ZNF827: variants seen among roughly 807,000 people sequenced by gnomAD.
ZNF827 encodes zinc finger protein 827.
ZNF827 carries 13 observed loss-of-function variants against 102.4 expected under a neutral mutation model. The observed-to-expected ratio is 0.13, with a 90% CI of 0.08 to 0.20. The LOEUF is 0.20. Ranked by LOEUF, ZNF827 falls within the 10% of genes least tolerant of loss-of-function variation. The pLI is 1.00. For missense variants in ZNF827, 1,103 were observed against 1,344.4 expected (o/e 0.82, Z 2.81); for synonymous variants, 523 against 536.2 (o/e 0.98, Z 0.34).
rs34284109 is a variant in ZNF827 at position 145,765,254 on chromosome 4, C to A, written c.3053-89G>T. ...AGCCAAGCTCCTCCCCACTTCCTCC[C>A]GCCTCCTCCGACGCCTGACAGCTAT... is the stretch of plus-strand genomic sequence containing the variant. On this transcript the variant is annotated intron_variant, in intron 12 of 14. Transcript: ENST00000508784. This position sits in a 1 kb window ranked among gnomAD's most constrained non-coding sequence, Gnocchi z 4.7. 19 of 1,387,798 alleles carry A rather than the reference C, an allele frequency of 1.4e-5. No homozygotes were observed. The highest frequency in any genetic ancestry group is 1.8e-5 in the Non-Finnish European group (19 of 1,037,916). The allele number at this position is 1,387,798 out of a possible 1,614,324, so 86.0% of individuals were successfully genotyped here.
intron 8 of ZNF827, among the ~76,000 whole-genome samples, chr4:145,799,552 A>T (rs2127097623): frequency 6.6e-6 from 1 of 152,304 alleles, no homozygotes; most frequent in African/African-American, 2.4e-5. Flanking sequence ...GTTTAACCTA[A>T]AAGAATTAAC....
intron 4 of ZNF827, among the ~76,000 whole-genome samples, chr4:145,883,096 T>G (rs1029650265): frequency 6.6e-6 from 1 of 151,784 alleles, no homozygotes; most frequent in African/African-American, 2.4e-5. Flanking sequence ...GAAAATGTAT[T>G]CCTTTCCTTT....
intron 8 of ZNF827, among the ~76,000 whole-genome samples, chr4:145,799,114 C>G (rs1202219017): frequency 6.7e-6 from 1 of 150,284 alleles, no homozygotes; most frequent in Non-Finnish European, 1.5e-5. Flanking sequence ...AAGCAGATCT[C>G]CCGTTTTGAT....
intron 7 of ZNF827, among the ~76,000 whole-genome samples, chr4:145,842,277 A>T (rs1745495409): frequency 6.6e-6 from 1 of 152,172 alleles, no homozygotes; most frequent in Admixed American, 6.5e-5. Context: ...CAGAGGTATC[A>T]ACAAGGGGCA....
intron 7 of ZNF827, among the ~76,000 whole-genome samples, chr4:145,824,485 G>C (rs951517447): frequency 1.3e-5 from 2 of 152,196 alleles, no homozygotes; most frequent in African/African-American, 4.8e-5. Flanking sequence ...CCCAGAGATA[G>C]GAAGGGCAGG....
At chr4:145,886,730 C>CA (rs200382885) in intron 3 of ZNF827, among the ~76,000 whole-genome samples, 12,544 of 136,764 alleles carry the variant, frequency 0.092, 1,107 homozygotes, top group East Asian at 0.42. Context: ...AAATTACATA[C>CA]AAAAAAAAAA....
At chr4:145,891,821 C>T (rs1440194044) in intron 3 of ZNF827, among the ~76,000 whole-genome samples, 1 of 152,174 alleles carries the variant, frequency 6.6e-6, no homozygotes, top group Non-Finnish European at 1.5e-5. Flanking sequence ...CAGCCAAGGG[C>T]AGTCTCTCCA....
intron 8 of ZNF827, among the ~76,000 whole-genome samples, chr4:145,807,010 G>A (rs1034497711): frequency 3.3e-5 from 5 of 152,144 alleles, no homozygotes; most frequent in African/African-American, 1.2e-4. Context: ...AGTAAGCTTC[G>A]TGAACCTCCA....
chr4:145,788,583 T>G (rs1739226118), intron 8 of ZNF827, among the ~76,000 whole-genome samples: 1 of 152,268 alleles, frequency 6.6e-6, no homozygotes, highest in Admixed American at 6.5e-5. Context: ...CCTTATTGAA[T>G]AAATGATATA....
chr4:145,871,966 T>C lies in ZNF827; in HGVS notation c.1748-1488A>G, dbSNP rs193030564. On this transcript the variant is annotated intron_variant, in intron 4 of 14. Transcript: ENST00000508784. The stretch of plus-strand genomic sequence containing the variant: ...TCCACCGCACCACCTCCACTTCTGG[T>C]CTCTGTATTGTAACAAAACTTGAAA... 2.6e-5 allele frequency among the ~76,000 whole-genome samples: 4 copies of C among 152,242 alleles called. No homozygotes were observed. In the East Asian group the frequency reaches 7.7e-4, roughly 29 times the overall value.
At chr4:145,777,845 T>C (rs1338710748) in intron 9 of ZNF827, among the ~76,000 whole-genome samples, 1 of 152,336 alleles carries the variant, frequency 6.6e-6, no homozygotes, top group East Asian at 1.9e-4. Context: ...TCCAGGTTTA[T>C]GTATGAAGTG....
intron 7 of ZNF827, among the ~76,000 whole-genome samples, chr4:145,838,378 G>A (rs115047921): frequency 2.0e-5 from 3 of 151,792 alleles, no homozygotes; most frequent in African/African-American, 7.3e-5. Context: ...CCTATAAAAC[G>A]GCCCCACCCT....
At chr4:145,916,415 C>A (rs1221670872) in intron 1 of ZNF827, among the ~76,000 whole-genome samples, 1 of 152,194 alleles carries the variant, frequency 6.6e-6, no homozygotes, top group Non-Finnish European at 1.5e-5. Flanking sequence ...CAAAGACTTA[C>A]AGCAGCCCTA....
At chr4:145,819,846 A>G (rs1742966703) in intron 8 of ZNF827, 1 of 152,230 alleles carries the variant, frequency 6.6e-6, no homozygotes, top group African/African-American at 2.4e-5. Context: ...GGTCTTGGCT[A>G]ACATGAGCAT....
chr4:145,813,044 G>A (rs1240265573), intron 8 of ZNF827, among the ~76,000 whole-genome samples: 3 of 152,132 alleles, frequency 2.0e-5, no homozygotes, highest in African/African-American at 4.8e-5. Flanking sequence ...TACCTGGGAC[G>A]TGAGTCACCC....
chr4:145,778,705 C>A lies in ZNF827; in HGVS notation c.2521+669G>T, dbSNP rs112829106. Among the ~76,000 whole-genome samples the A allele has an allele frequency of 1.4e-3, 209 of 152,174 alleles. 1 individual carries two copies. Among genetic ancestry groups the A allele is most frequent in the African/African-American group, 4.8e-3 (198 of 41,528 alleles). On this transcript the variant is annotated intron_variant, in intron 9 of 14. Transcript: ENST00000508784. The stretch of plus-strand genomic sequence containing the variant: ...TGATGTACGAAATCTTTATTTTGAA[C>A]TTTTCTTTATCATTTTGTTTTTGTG...
intron 8 of ZNF827, among the ~76,000 whole-genome samples, chr4:145,790,585 G>A (rs1739536169): frequency 6.6e-6 from 1 of 152,086 alleles, no homozygotes; most frequent in South Asian, 2.1e-4. Flanking sequence ...ATTCAAGTAA[G>A]CCTCTAGGGA....
intron 3 of ZNF827, 94 bp from the exon 4 acceptor site, chr4:145,886,252 C>T (rs1750106323): frequency 5.4e-6 from 8 of 1,469,446 alleles, no homozygotes; most frequent in South Asian, 1.4e-5. Flanking sequence ...ATTTCCTCAC[C>T]GTGCAAAGGG....
chr4:145,788,631 C>A (rs1739234048), intron 8 of ZNF827, among the ~76,000 whole-genome samples: 2 of 152,128 alleles, frequency 1.3e-5, no homozygotes, highest in Admixed American at 6.5e-5. Flanking sequence ...TACTGAACAG[C>A]AACCTAATTT....
Sources: allele counts gnomAD v4.1 joint callset (sites outside exome capture counted in the v4.1 genomes callset), GRCh38; gene constraint gnomAD v4.1.1; non-coding constraint Gnocchi (gnomAD v3.1); transcripts MANE v1.5; gene names NCBI Gene and HGNC (gene_info 2026-07-23, HGNC 2026-07-21).